Variants in CFAP299 observed in about 807,000 individuals in gnomAD.
The protein encoded by CFAP299 is cilia- and flagella-associated protein 299.
In CFAP299, 21 loss-of-function variants were observed where a neutral mutation model predicts 27.0. The observed-to-expected ratio is 0.78, with a 90% CI of 0.55 to 1.12. The LOEUF is 1.12. Among genes scored for constraint, CFAP299 ranks in the 50% most tolerant of loss-of-function variants. CFAP299 has a pLI of 0.00. For synonymous variants in CFAP299, 104 were observed against 98.1 expected, an observed-to-expected ratio of 1.06 and a Z score of -0.36; for missense variants, 310 against 276.6, an observed-to-expected ratio of 1.12 and a Z score of -0.86.
chr4:80,722,553 A>G (rs996740261), intron 3 of CFAP299, among the ~76,000 whole-genome samples: 6 of 152,234 alleles, frequency 3.9e-5, no homozygotes, highest in Admixed American at 6.5e-5. Context: ...AAATACTTTC[A>G]AAGTATATAT....
chr4:80,552,741 G>A (rs570159372), intron 2 of CFAP299, among the ~76,000 whole-genome samples: 7 of 152,210 alleles, frequency 4.6e-5, no homozygotes, highest in East Asian at 1.9e-4. Flanking sequence ...AGGCTAGAGC[G>A]CAATGGCATG....
intron 3 of CFAP299, among the ~76,000 whole-genome samples, chr4:80,709,627 G>C (rs527753122): frequency 3.3e-5 from 5 of 152,098 alleles, no homozygotes. Flanking sequence ...AATGTAACAC[G>C]AACACCGATC....
At chr4:80,929,458 T>C (rs113279535) in intron 4 of CFAP299, among the ~76,000 whole-genome samples, 5,840 of 145,152 alleles carry the variant, frequency 0.04, 264 homozygotes, top group African/African-American at 0.13. Context: ...CTCTATGGCA[T>C]CACTATCTAT....
intron 2 of CFAP299, among the ~76,000 whole-genome samples, chr4:80,371,425 C>G (rs899550993): frequency 6.6e-6 from 1 of 152,144 alleles, no homozygotes; most frequent in Non-Finnish European, 1.5e-5. Context: ...TTTCTCCCCC[C>G]AAAATGAGTT....
chr4:80,800,329 TTAATATATA>T (rs1290908814), intron 3 of CFAP299, among the ~76,000 whole-genome samples: 185 of 71,126 alleles, frequency 2.6e-3, no homozygotes, highest in South Asian at 4.5e-3. Flanking sequence ...TACATTAATA[TTAATATATA>T]TAATATATAA....
rs572701751 is a variant in CFAP299, at chr4:80,697,072, A to C, written c.333+113889A>C. On this transcript the variant is annotated intron_variant, in intron 3 of 5. Transcript: ENST00000358105. ...CTTAAGAGTTATTTCTGCTGGGAGCAGTGGCTCATGCCTGTAATCCCAGCA... is the reference window on the plus strand; with the variant it reads ...CTTAAGAGTTATTTCTGCTGGGAGCCGTGGCTCATGCCTGTAATCCCAGCA... Among the ~76,000 whole-genome samples the C allele has an allele frequency of 6.4e-4, 97 of 152,262 alleles. 1 individual carries two copies. The highest frequency in any genetic ancestry group is 2.1e-3 in the African/African-American group (89 of 41,554).
chr4:80,373,433 G>A (rs540380627), intron 2 of CFAP299, among the ~76,000 whole-genome samples: 1 of 152,222 alleles, frequency 6.6e-6, no homozygotes, highest in Admixed American at 6.5e-5. Context: ...GGTGAATACT[G>A]CATGTGGTCA....
At chr4:80,685,656 G>A (rs944869564) in intron 3 of CFAP299, among the ~76,000 whole-genome samples, 1 of 151,248 alleles carries the variant, frequency 6.6e-6, no homozygotes, top group Non-Finnish European at 1.5e-5. Context: ...GAGCAAATTG[G>A]TATTAAAGGG....
At chr4:80,494,002 C>T (rs1402363571) in intron 2 of CFAP299, among the ~76,000 whole-genome samples, 5 of 151,800 alleles carry the variant, frequency 3.3e-5, no homozygotes, top group Non-Finnish European at 7.4e-5. Context: ...GTCTCGATCT[C>T]CTGACCTCAT....
chr4:80,421,948 C>G (rs1056492429), intron 2 of CFAP299, among the ~76,000 whole-genome samples: 2 of 152,114 alleles, frequency 1.3e-5, no homozygotes, highest in African/African-American at 4.8e-5. Context: ...CAGCAAAACT[C>G]CATGACATAG....
intron 3 of CFAP299, among the ~76,000 whole-genome samples, chr4:80,661,394 G>T (rs1201752289): frequency 6.6e-6 from 1 of 151,350 alleles, no homozygotes; most frequent in Non-Finnish European, 1.5e-5. Flanking sequence ...CTGAAGCCAT[G>T]TCAGAAGAAC....
At chr4:80,628,616 A>T (rs1577951985) in intron 3 of CFAP299, among the ~76,000 whole-genome samples, 1 of 152,192 alleles carries the variant, frequency 6.6e-6, no homozygotes, top group East Asian at 1.9e-4. Flanking sequence ...ATACGTAAGA[A>T]ATTCAAACAA....
At chr4:80,848,210 CA>C (rs912267363) in intron 3 of CFAP299, among the ~76,000 whole-genome samples, 36 of 140,474 alleles carry the variant, frequency 2.6e-4, no homozygotes, top group Admixed American at 1.0e-3. Context: ...GACCCTGTCT[CA>C]AAAAAAAAAG....
rs1307910417 is a variant in CFAP299 at position 80,800,531 on chromosome 4, T to C, written c.334-69462T>C. On this transcript the variant is annotated intron_variant, in intron 3 of 5. Coordinates refer to ENST00000358105, the MANE Select transcript of CFAP299 (RefSeq NM_152770.3). ...ATATAATATATAATATATAATATAT[T>C]ATATAATATATAATATATCAATATA... Among the ~76,000 whole-genome samples the C allele has an allele frequency of 1.4e-3, 31 of 22,410 alleles. 2 individuals are homozygous for C. Among genetic ancestry groups the C allele is most frequent in the Admixed American group, 3.3e-3 (4 of 1,200 alleles). The allele number at this position is 22,410 out of a possible 152,430, so 14.7% of individuals were successfully genotyped here.
chr4:80,900,123 AGTGTGT>A (rs3038537), intron 4 of CFAP299, among the ~76,000 whole-genome samples: 341 of 139,896 alleles, frequency 2.4e-3, no homozygotes, highest in African/African-American at 2.9e-3. Context: ...AGTGGAAGAA[AGTGTGT>A]GTGTGTGTGT....
chr4:80,879,964 G>T (rs1331362651), intron 4 of CFAP299, among the ~76,000 whole-genome samples: 1 of 152,144 alleles, frequency 6.6e-6, no homozygotes, highest in Non-Finnish European at 1.5e-5. Context: ...TCATGCATTT[G>T]GAGGTCTACA....
chr4:80,629,322 G>A (rs543342226), intron 3 of CFAP299, among the ~76,000 whole-genome samples: 3 of 152,222 alleles, frequency 2.0e-5, no homozygotes, highest in Admixed American at 1.3e-4. Context: ...TGAGAGTCAG[G>A]GGGGAGAGAT....
chr4:80,323,293 C>A, the CFAP299 span, among the ~76,000 whole-genome samples: 1 of 152,130 alleles, frequency 6.6e-6, no homozygotes, highest in Non-Finnish European at 1.5e-5. Flanking sequence ...AAGCAGAAAA[C>A]CTGGTCTTTG....
intron 2 of CFAP299, among the ~76,000 whole-genome samples, chr4:80,546,782 T>G (rs1328416624): frequency 6.6e-6 from 1 of 152,096 alleles, no homozygotes; most frequent in Non-Finnish European, 1.5e-5. Flanking sequence ...TCCCTGAGAC[T>G]CTCTCAGAAG....
Sources: gnomAD v4.1 joint callset for allele counts (sites outside exome capture counted in the v4.1 genomes callset) on GRCh38, gnomAD v4.1.1 for gene constraint, MANE v1.5 for transcripts, NCBI Gene and HGNC (gene_info 2026-07-23, HGNC 2026-07-21) for gene names.